ZAN: variants seen among roughly 807,000 people sequenced by gnomAD.
ZAN encodes the protein zonadhesin.
Under a neutral mutation model 286.2 loss-of-function variants are expected in ZAN, and 260 were observed. That is an observed-to-expected ratio of 0.91 (90% confidence interval 0.82 to 1.01). The LOEUF is 1.01. Among genes scored for constraint, ZAN ranks in the 50% least tolerant of loss-of-function variants. The probability of loss-of-function intolerance (pLI) is 0.00; values close to 1 mark genes in which losing one functional copy is unlikely to be tolerated. For synonymous variants in ZAN, 1,368 were observed against 1,417.5 expected (o/e 0.97, Z 0.79); for missense variants, 3,410 against 3,639.2 (o/e 0.94, Z 1.62).
chr7:100,763,904 A>G lies in ZAN; in HGVS notation c.4085A>G (p.His1362Arg), dbSNP rs769555985. 1.9e-6 allele frequency: 3 copies of G among 1,613,876 alleles called. No individual in the cohort carries two copies. The highest frequency in any genetic ancestry group is 2.5e-6 in the Non-Finnish European group (3 of 1,179,894). The change falls in exon 21 of 48, where the codon CAT (histidine) becomes CGT (arginine). Residue 1362 changes from histidine (H) to arginine (R), a missense_variant. This residue lies in a region of ZAN where 1,042 missense variants were observed against 1,058.0 expected (regional missense o/e 0.98). Coordinates refer to ENST00000613979, the MANE Select transcript of ZAN (RefSeq NM_003386.3). This position sits in a 1 kb window ranked among gnomAD's most constrained non-coding sequence, Gnocchi z 4.6. ...PGFCGRLVDT[H>R]GPFETCLLHV... is the part of the protein sequence containing the mutation. ...TTCTGTGGACGGCTGGTCGACACTC[A>G]TGGCCCATTTGAGTATGAAGGAGGG... is the stretch of plus-strand genomic sequence containing the variant.
chr7:100,791,383 C>G (rs974289335), intron 40 of ZAN, among the ~76,000 whole-genome samples: 8 of 151,912 alleles, frequency 5.3e-5, no homozygotes, highest in African/African-American at 1.7e-4. Flanking sequence ...TCCTCCTCTT[C>G]CTCCTCCTTC....
At position 100,776,973 on chromosome 7, in the gene ZAN, C is replaced by T. The variant is rs1810861532; in HGVS notation, c.6317+409C>T. 2.0e-5 allele frequency among the ~76,000 whole-genome samples: 3 copies of T among 148,040 alleles called. No individual in the cohort carries two copies. The South Asian group carries it at 6.5e-4, about 32-fold the overall frequency. ...GGTCTCGATCTTCTGACCTCGTGATCCACCCGCCTCGGCCTCCCAAAGTGC... is the reference window on the plus strand; with the variant it reads ...GGTCTCGATCTTCTGACCTCGTGATTCACCCGCCTCGGCCTCCCAAAGTGC... On this transcript the variant is annotated intron_variant, in intron 34 of 47. Coordinates refer to ENST00000613979, the MANE Select transcript of ZAN (RefSeq NM_003386.3).
At chr7:100,783,775 TATATATATAC>T (rs1562952300) in intron 35 of ZAN, among the ~76,000 whole-genome samples, 1 of 22,490 alleles carries the variant, frequency 4.4e-5, no homozygotes, top group Non-Finnish European at 9.8e-5. Flanking sequence ...TATATATATA[TATATATATAC>T]ACATATATAT....
At chr7:100,773,915 TCCCAACTC>T (rs1456081942) in intron 31 of ZAN, 50 bp downstream of exon 31, 2 of 1,560,696 alleles carry the variant, frequency 1.3e-6, no homozygotes, top group Non-Finnish European at 1.7e-6. Flanking sequence ...AGGCCCACTC[TCCCAACTC>T]CCCAACAGAC....
In ZAN at chr7:100,794,266, T is replaced by G; in HGVS notation, c.8125+8T>G. 1 of 1,591,722 alleles carries G rather than the reference T, an allele frequency of 6.3e-7. No homozygotes were observed. Among genetic ancestry groups the G allele is most frequent in the Non-Finnish European group, 8.6e-7 (1 of 1,168,250 alleles). On this transcript the variant is annotated splice_region_variant and intron_variant, in intron 44 of 47. Transcript: ENST00000613979. ...CCCAAGGCTGCTTTCCAGGTGAACC[T>G]GCACTCCTGCCCGGTTCCAAGCTGC...
Position 100,748,455 on chromosome 7 carries a change from G to C in ZAN, c.1234G>C (p.Gly412Arg). The C allele has an allele frequency of 1.2e-6, 2 of 1,612,498 alleles. No individual in the cohort carries two copies. The highest frequency in any genetic ancestry group is 1.7e-6 in the Non-Finnish European group (2 of 1,179,306). ...GPVHGMGPAG[G>R]FPNAGGHYIY... ...CGTCCATGGCATGGGCCCTGCGGGA[G>C]GTTTCCCTAATGCAGGTGAGGAGAT... Residue 412 changes from glycine to arginine, a missense_variant, in exon 11 of 48, where the codon GGT becomes CGT. Physicochemically the swap from Gly to Arg is moderately radical, Grantham distance 125 (BLOSUM62 -2). Around this residue, in one of 7 missense-constraint regions of ZAN, gnomAD observed 872 missense variants for 938.9 expected, o/e 0.93. Transcript: ENST00000613979.
chr7:100,743,735 AGTGTGGTGGCACACACCT>A (rs997501711), intron 7 of ZAN, among the ~76,000 whole-genome samples: 4 of 151,280 alleles, frequency 2.6e-5, no homozygotes, highest in African/African-American at 9.8e-5. Flanking sequence ...AAATTAGCCC[AGTGTGGTGGCACACACCT>A]GTAGTCCCAG....
In ZAN at chr7:100,764,196, C is replaced by T. The variant is rs74437616; in HGVS notation, c.4267C>T (p.Pro1423Ser). 6.0e-3 allele frequency: 9,232 copies of T among 1,546,726 alleles called. 529 individuals carry two copies. In the African/African-American group the frequency reaches 0.11, roughly 19 times the overall value. Residue 1423 changes from proline (P) to serine (S), a missense_variant and splice_region_variant, in exon 22 of 48, where the codon CCA (proline) becomes TCA (serine). By Grantham distance (74) the Pro-to-Ser change is moderately conservative. Around this residue, in one of 7 missense-constraint regions of ZAN, gnomAD observed 1,042 missense variants for 1,058.0 expected, o/e 0.98. Coordinates refer to ENST00000613979, the MANE Select transcript of ZAN (RefSeq NM_003386.3). ...VKPWREPHFC[P>S]MACPPNSKYS... ...GCCCTGGAGGGAACCCCACTTCTGC[C>T]GTGAGTTGTGCCAAACTCAGAGGAG...
At chr7:100,758,412 A>G (rs1321076381) in intron 16 of ZAN, 69 bp downstream of exon 16, 24 of 1,591,782 alleles carry the variant, frequency 1.5e-5, no homozygotes, top group Non-Finnish European at 8.6e-7. Context: ...CAGGATCCCA[A>G]TCCCTCGCTT....
At chr7:100,735,594 G>A in intron 2 of ZAN, 126 bp from the exon 3 acceptor site, 1 of 700,948 alleles carries the variant, frequency 1.4e-6, no homozygotes. Context: ...AGTCAAGTCA[G>A]ACACATTCAC....
chr7:100,773,972 G>A, intron 31 of ZAN, 107 bp downstream of exon 31: 2 of 1,444,558 alleles, frequency 1.4e-6, no homozygotes, highest in Non-Finnish European at 1.8e-6. Flanking sequence ...GGTTTTGACT[G>A]GTAACTCTGC....
In ZAN at chr7:100,746,929, G is replaced by A. The variant is rs191558931; in HGVS notation, c.931+227G>A. Among the ~76,000 whole-genome samples the A allele has an allele frequency of 5.9e-5, 9 of 152,162 alleles. No individual in the cohort carries two copies. In the East Asian group the frequency reaches 1.4e-3, roughly 23 times the overall value. Reference sequence around the variant, plus strand: ...ATCCTGGCTAACATGGTGAAACCCCGTCCATACTAAAAATACAAAAATTAG... The same window carrying A: ...ATCCTGGCTAACATGGTGAAACCCCATCCATACTAAAAATACAAAAATTAG... On this transcript the variant is annotated intron_variant, in intron 8 of 47. Transcript: ENST00000613979.
rs534693391 is a variant in ZAN, at chr7:100,794,216, GA to G, written c.8084del (p.Glu2695GlyfsTer83). On this transcript the variant is annotated frameshift_variant, in exon 44 of 48. Transcript: ENST00000613979. LOFTEE classifies it high-confidence loss of function. The stretch of plus-strand genomic sequence containing the variant: ...TGAGCCCTTCAGCTGCAGAGCGGGG[GA>G]GGTCTGCACCCTGGGGAACCACACC... ...LCEPFSCRAGEVCTLGNHTQG... is the reference protein window; with the variant it reads ...LCEPFSCRAGXVCTLGNHTQG... 201 of 1,613,622 alleles carry G rather than the reference GA, an allele frequency of 1.2e-4. 1 individual carries two copies. In the South Asian group the frequency reaches 2.1e-3, roughly 17 times the overall value.
rs536210909 is a variant in ZAN, at chr7:100,789,239, G to A, written c.7249G>A (p.Val2417Ile). ...ELVVNNQKMA[V>I]PYRPNEHLRV... ...TTAGGTCAACAACCAGAAGATGGCC[G>A]TCCCCTACAGGCCAAATGAACACCT... is the stretch of plus-strand genomic sequence containing the variant. Residue 2417 changes from valine to isoleucine, a missense_variant, in exon 39 of 48, where the codon GTC (valine) becomes ATC (isoleucine). Physicochemically the swap from Val to Ile is conservative, Grantham distance 29. Coordinates refer to ENST00000613979, the MANE Select transcript of ZAN (RefSeq NM_003386.3). 88 of 1,613,608 alleles carry A rather than the reference G, an allele frequency of 5.5e-5. 1 individual carries two copies. Among genetic ancestry groups the A allele is most frequent in the South Asian group, 8.8e-5 (8 of 91,008 alleles).
chr7:100,773,677 A>C, intron 30 of ZAN, 44 bp from the exon 31 acceptor site: 1 of 1,588,532 alleles, frequency 6.3e-7, no homozygotes, highest in Non-Finnish European at 8.6e-7. Context: ...CCCATCTCCC[A>C]ATTCCAACTT....
Position 100,746,691 on chromosome 7 carries a change from C to T in ZAN, c.920C>T (p.Ala307Val). 6.2e-7 allele frequency: 1 copy of T among 1,613,918 alleles called. No homozygotes were observed. ...QSPGAALHIY[A>V]SVLGSIRKHT... ...CCTGGTGCAGCCCTCCACATTTATGCTTCAGTCTTGGGTTAGAGCGGAGAA... is the reference window on the plus strand; with the variant it reads ...CCTGGTGCAGCCCTCCACATTTATGTTTCAGTCTTGGGTTAGAGCGGAGAA... The change falls in exon 8 of 48, where the codon GCT (alanine) becomes GTT (valine). Residue 307 changes from alanine to valine, a missense_variant. Ala to Val is a moderately conservative substitution (Grantham distance 64, BLOSUM62 0). Transcript: ENST00000613979.
rs1812018215 is a variant in ZAN at position 100,792,138 on chromosome 7, C to A, written c.7702C>A (p.Pro2568Thr). The A allele has an allele frequency of 1.2e-6, 2 of 1,608,106 alleles. No homozygotes were observed. The highest frequency in any genetic ancestry group is 1.7e-5 in the Admixed American group (1 of 59,460). Residue 2568 changes from proline to threonine, a missense_variant, in exon 41 of 48, where the codon CCC (proline) becomes ACC (threonine). Pro to Thr is a conservative substitution (Grantham distance 38, BLOSUM62 -1). This residue lies in a region of ZAN where 1,289 missense variants were observed against 1,314.3 expected (regional missense o/e 0.98). Transcript: ENST00000613979. ...CTGTCACCAGACGGTGGCCCCAGAG[C>A]CCTTCCAAGAGTGAGTCATGGGCCC... ...AACHQTVAPE[P>T]FQEHCVLDLC...
At chr7:100,792,229 G>T (rs1188691160) in intron 41 of ZAN, 81 bp downstream of exon 41, 4 of 1,503,678 alleles carry the variant, frequency 2.7e-6, no homozygotes, top group Admixed American at 2.3e-5. Flanking sequence ...CCCGCTTCCT[G>T]ACCCAAGCTC....
chr7:100,738,429 CATT>C, intron 6 of ZAN, 29 bp from the exon 7 acceptor site: 2 of 1,442,928 alleles, frequency 1.4e-6, no homozygotes, highest in Non-Finnish European at 1.9e-6. Flanking sequence ...AAGAAGAAAA[CATT>C]ATATCTTCCC....
Sources: allele counts gnomAD v4.1 joint callset (sites outside exome capture counted in the v4.1 genomes callset), GRCh38; gene constraint gnomAD v4.1.1; regional missense constraint gnomAD v4.1.1; non-coding constraint Gnocchi (gnomAD v3.1); transcripts MANE v1.5; gene names NCBI Gene and HGNC (gene_info 2026-07-23, HGNC 2026-07-21).